TMEM273: variants seen among roughly 807,000 people sequenced by gnomAD.
The protein encoded by TMEM273 is transmembrane protein 273, also known as chromosome 10 open reading frame 128.
A neutral mutation model predicts 17.9 loss-of-function variants in TMEM273; 19 were observed. The observed-to-expected ratio is 1.06, with a 90% CI of 0.74 to 1.55. TMEM273 has a LOEUF of 1.55. Among genes scored for constraint, TMEM273 ranks in the 40% most tolerant of loss-of-function variants. TMEM273 has a pLI of 0.00. For missense variants in TMEM273, 194 were observed against 155.6 expected, an observed-to-expected ratio of 1.25 and a Z score of -1.31; for synonymous variants, 66 against 62.0, an observed-to-expected ratio of 1.07 and a Z score of -0.31.
At chr10:49,162,156 T>A (rs1023654341) in intron 5 of TMEM273, among the ~76,000 whole-genome samples, 5 of 152,166 alleles carry the variant, frequency 3.3e-5, no homozygotes, top group African/African-American at 1.2e-4. Flanking sequence ...TCTTAGATGA[T>A]CATGCATAAG....
intron 1 of TMEM273, among the ~76,000 whole-genome samples, chr10:49,179,865 A>G (rs1166317592): frequency 6.6e-6 from 1 of 152,130 alleles, no homozygotes; most frequent in Non-Finnish European, 1.5e-5. Context: ...CTTTTAGGTG[A>G]TAACCACTCC....
intron 1 of TMEM273, among the ~76,000 whole-genome samples, chr10:49,179,279 G>A (rs920548402): frequency 6.6e-6 from 1 of 152,240 alleles, no homozygotes; most frequent in African/African-American, 2.4e-5. Context: ...AAGGTCTGCT[G>A]AGTATGTGTT....
chr10:49,155,872 C>T lies in TMEM273; in HGVS notation c.*20G>A, dbSNP rs375626071. ...TCCACGGGGCTAGAACCCCTCTTCA[C>T]GTCACTGCTCACCTACAGCTCAATC... On this transcript the variant is annotated 3_prime_UTR_variant, in exon 7 of 7. Transcript: ENST00000374153. 3.8e-5 allele frequency: 62 copies of T among 1,614,068 alleles called. 1 individual carries two copies. Among genetic ancestry groups the T allele is most frequent in the South Asian group, 2.4e-4 (22 of 91,084 alleles).
intron 6 of TMEM273, among the ~76,000 whole-genome samples, chr10:49,158,715 T>C (rs1475618470): frequency 6.6e-6 from 1 of 152,098 alleles, no homozygotes; most frequent in African/African-American, 2.4e-5. Context: ...TAGAACATTA[T>C]AAAAGAGGCA....
In TMEM273 at chr10:49,155,650, C is replaced by T; in HGVS notation, c.*242G>A. 3 of 591,310 alleles carry T rather than the reference C, an allele frequency of 5.1e-6. No individual in the cohort carries two copies. The highest frequency in any genetic ancestry group is 8.9e-6 in the Non-Finnish European group (3 of 336,318). The allele number at this position is 591,310 out of a possible 1,614,324, so 36.6% of individuals were successfully genotyped here. ...TTTTGGTGTCCACCTTCTTCCACTG[C>T]AGGCTAAATTGCTCAATCCTTCCTC... On this transcript the variant is annotated 3_prime_UTR_variant, in exon 7 of 7. Transcript: ENST00000374153.
rs148965537 is a variant in TMEM273 at position 49,183,800 on chromosome 10, G to A, written c.43+4494C>T. 1.1e-3 allele frequency among the ~76,000 whole-genome samples: 161 copies of A among 152,290 alleles called. No homozygotes were observed. The Middle Eastern group carries it at 0.02, about 19-fold the overall frequency. On this transcript the variant is annotated intron_variant, in intron 1 of 6. Transcript: ENST00000374153. ...CTGAGAGCAGCCTTGGCCCACGGTCGGCTCTCAGGAAGTGAAATTTTATCA... is the reference window on the plus strand; with the variant it reads ...CTGAGAGCAGCCTTGGCCCACGGTCAGCTCTCAGGAAGTGAAATTTTATCA...
intron 1 of TMEM273, among the ~76,000 whole-genome samples, chr10:49,173,135 A>G (rs979096845): frequency 2.0e-5 from 3 of 152,176 alleles, no homozygotes; most frequent in Admixed American, 6.5e-5. Context: ...CCTGCTGAAG[A>G]AGGTTGAGCC....
chr10:49,171,650 C>T (rs1270772059), intron 1 of TMEM273, among the ~76,000 whole-genome samples: 1 of 152,230 alleles, frequency 6.6e-6, no homozygotes, highest in Non-Finnish European at 1.5e-5. Flanking sequence ...GTAAGTGGCT[C>T]TCCCAACAGC....
intron 1 of TMEM273, among the ~76,000 whole-genome samples, chr10:49,178,668 A>G (rs1847153087): frequency 6.6e-6 from 1 of 152,178 alleles, no homozygotes; most frequent in Non-Finnish European, 1.5e-5. Flanking sequence ...GATGTACGCA[A>G]TTAGCATTCA....
At chr10:49,176,949 A>G (rs1001743159) in intron 1 of TMEM273, among the ~76,000 whole-genome samples, 2 of 152,224 alleles carry the variant, frequency 1.3e-5, no homozygotes, top group African/African-American at 4.8e-5. Context: ...AGCCCCACGC[A>G]TGGTCCAGCC....
intron 1 of TMEM273, among the ~76,000 whole-genome samples, chr10:49,187,282 G>T (rs527837856): frequency 1.1e-4 from 17 of 152,258 alleles, no homozygotes; most frequent in Middle Eastern, 3.4e-3. Flanking sequence ...GATGTGGCTG[G>T]CTGTCTGTCT....
chr10:49,178,235 GC>G (rs1847118971), intron 1 of TMEM273: 3 of 457,108 alleles, frequency 6.6e-6, no homozygotes, highest in Admixed American at 4.7e-5. Context: ...TGCTGCCCTT[GC>G]CCGGGGCCTC....
intron 2 of TMEM273, 115 bp from the exon 3 acceptor site, chr10:49,167,124 G>T: frequency 7.1e-7 from 1 of 1,411,842 alleles, no homozygotes. Flanking sequence ...CCCACTGGCT[G>T]AGGCCAGCCT....
chr10:49,165,425 G>T (rs1459530742), intron 4 of TMEM273, 142 bp from the exon 5 acceptor site: 2 of 1,502,740 alleles, frequency 1.3e-6, no homozygotes, highest in African/African-American at 1.4e-5. Context: ...GACAAACCAC[G>T]TGTGACCTCC....
At chr10:49,177,443 A>G (rs1362897456) in intron 1 of TMEM273, among the ~76,000 whole-genome samples, 1 of 152,132 alleles carries the variant, frequency 6.6e-6, no homozygotes, top group Non-Finnish European at 1.5e-5. Context: ...TCTCAAAACA[A>G]GATAAAAAAG....
chr10:49,161,092 C>T, intron 6 of TMEM273: 2 of 157,404 alleles, frequency 1.3e-5, no homozygotes, highest in Admixed American at 1.2e-4. Context: ...AGTCTTCATC[C>T]ATAGGCTCAT....
chr10:49,183,111 G>T (rs1018679851), intron 1 of TMEM273, among the ~76,000 whole-genome samples: 11 of 152,168 alleles, frequency 7.2e-5, no homozygotes, highest in African/African-American at 2.7e-4. Context: ...CGCCATACCT[G>T]TCCTAGATTG....
chr10:49,166,520 A>G (rs933359074), intron 3 of TMEM273: 1 of 304,992 alleles, frequency 3.3e-6, no homozygotes, highest in Non-Finnish European at 6.3e-6. Context: ...TGTGAAGCCA[A>G]TTTTAGTTCC....
intron 1 of TMEM273, among the ~76,000 whole-genome samples, chr10:49,169,253 G>A (rs1397396105): frequency 6.6e-6 from 1 of 152,196 alleles, no homozygotes; most frequent in Non-Finnish European, 1.5e-5. Context: ...TACCACTCCT[G>A]TTTCTCACAA....
Sources: allele counts gnomAD v4.1 joint callset (sites outside exome capture counted in the v4.1 genomes callset), GRCh38; gene constraint gnomAD v4.1.1; transcripts MANE v1.5; gene names NCBI Gene and HGNC (gene_info 2026-07-23, HGNC 2026-07-21).